Variants in ERVFRD-1 observed in about 807,000 individuals in gnomAD.
The protein encoded by ERVFRD-1 is syncytin-2.
Under a neutral mutation model 43.8 loss-of-function variants are expected in ERVFRD-1, and 33 were observed. The observed-to-expected ratio is 0.75, with a 90% CI of 0.57 to 1.01. The LOEUF is 1.01. Ranked by LOEUF, ERVFRD-1 falls within the 50% of genes least tolerant of loss-of-function variation. The probability of loss-of-function intolerance (pLI) is 0.00; values close to 1 mark genes in which losing one functional copy is unlikely to be tolerated. For missense variants in ERVFRD-1, 568 were observed against 658.4 expected (o/e 0.86, Z 1.50); for synonymous variants, 239 against 244.4 (o/e 0.98, Z 0.21).
At chr6:11,107,061 A>G (rs1758096275) in intron 1 of ERVFRD-1, among the ~76,000 whole-genome samples, 1 of 152,216 alleles carries the variant, frequency 6.6e-6, no homozygotes, top group African/African-American at 2.4e-5. Context: ...TTGAAGGGAC[A>G]TTGTACCATA....
chr6:11,103,547 T>G lies in ERVFRD-1; in HGVS notation c.*147A>C. ...CCTGCTGACAGAGGGGCTGTAGTGG[T>G]TGTTCTGTGGGTCTTGGCCTCTTGC... On this transcript the variant is annotated 3_prime_UTR_variant, in exon 2 of 2. Coordinates refer to ENST00000472091, the MANE Select transcript of ERVFRD-1 (RefSeq NM_207582.3). 8.3e-7 allele frequency: 1 copy of G among 1,205,306 alleles called. No individual in the cohort carries two copies. Among genetic ancestry groups the G allele is most frequent in the Non-Finnish European group, 1.1e-6 (1 of 895,976 alleles). The allele number at this position is 1,205,306 out of a possible 1,614,324, so 74.7% of individuals were successfully genotyped here. A position where few individuals can be genotyped will look rare whatever the true frequency, so the allele number is the denominator to read the frequency against.
chr6:11,104,468 G>T lies in ERVFRD-1; in HGVS notation c.843C>A (p.Thr281=), dbSNP rs1199535144. The part of the protein sequence containing the change: ...AVSEFFGTSL[T]PLFHFHISTC... The stretch of plus-strand genomic sequence containing the variant: ...TAGAGATATGGAAATGAAATAAGGG[G>T]GTGAGGGAGGTTCCAAAAAATTCTG... Residue 281 remains threonine (T), a synonymous_variant, in exon 2 of 2, where the codon ACC becomes ACA. Coordinates refer to ENST00000472091, the MANE Select transcript of ERVFRD-1 (RefSeq NM_207582.3). The T allele has an allele frequency of 6.4e-7, 1 of 1,552,346 alleles. No homozygotes were observed. Among genetic ancestry groups the T allele is most frequent in the Middle Eastern group, 1.7e-4 (1 of 5,992 alleles).
chr6:11,102,767 A>G lies in ERVFRD-1; in HGVS notation c.*927T>C, dbSNP rs1454104960. Reference sequence around the variant, plus strand: ...AATGGTGGAACTGTTACCAGCAGCAAATCCAATGGGTCTGCAGCAGACTCC... The same window carrying G: ...AATGGTGGAACTGTTACCAGCAGCAGATCCAATGGGTCTGCAGCAGACTCC... On this transcript the variant is annotated 3_prime_UTR_variant, in exon 2 of 2. Transcript: ENST00000472091. The G allele has an allele frequency of 6.6e-6, 1 of 152,224 alleles. No homozygotes were observed. Among genetic ancestry groups the G allele is most frequent in the Non-Finnish European group, 1.5e-5 (1 of 68,044 alleles). 9.4% of individuals were successfully genotyped at this position (152,224 alleles called of 1,614,324 possible).
At chr6:11,110,347 C>G (rs1349758291) in intron 1 of ERVFRD-1, among the ~76,000 whole-genome samples, 1 of 152,178 alleles carries the variant, frequency 6.6e-6, no homozygotes, top group Non-Finnish European at 1.5e-5. Context: ...GCATCTGCCT[C>G]CTTGGGCTGT....
In ERVFRD-1 at chr6:11,102,963, G is replaced by A. The variant is rs1018556634; in HGVS notation, c.*731C>T. On this transcript the variant is annotated 3_prime_UTR_variant, in exon 2 of 2. Coordinates refer to ENST00000472091, the MANE Select transcript of ERVFRD-1 (RefSeq NM_207582.3). ...TGACTTGAGAGATCCAATTGCCTTG[G>A]TAGGCCCTTGACTTGGGGTTTTATA... The A allele has an allele frequency of 6.6e-6, 1 of 152,218 alleles. No individual in the cohort carries two copies. Among genetic ancestry groups the A allele is most frequent in the Non-Finnish European group, 1.5e-5 (1 of 68,052 alleles). The allele number at this position is 152,218 out of a possible 1,614,324, so 9.4% of individuals were successfully genotyped here.
intron 1 of ERVFRD-1, among the ~76,000 whole-genome samples, chr6:11,109,893 C>T (rs1417500242): frequency 3.9e-5 from 6 of 152,090 alleles, no homozygotes; most frequent in Non-Finnish European, 5.9e-5. Flanking sequence ...CCTCCAATTT[C>T]CCTACTGTCT....
rs748203793 is a variant in ERVFRD-1 at position 11,105,293 on chromosome 6, C to T, written c.18G>A (p.Leu6=). The T allele has an allele frequency of 7.4e-6, 12 of 1,613,202 alleles. No homozygotes were observed. Among genetic ancestry groups the T allele is most frequent in the Non-Finnish European group, 1.0e-5 (12 of 1,179,506 alleles). ...CTAGTGAAGGCGTGAGAATGAGAAC[C>T]AGCAGGAGCAGGCCCATGGTGACCT... MGLLL[L]VLILTPSLAA... Residue 6 remains leucine (L), a synonymous_variant, in exon 2 of 2, where the codon CTG becomes CTA. Transcript: ENST00000472091.
chr6:11,108,589 C>G (rs1171382790), intron 1 of ERVFRD-1, among the ~76,000 whole-genome samples: 2 of 152,156 alleles, frequency 1.3e-5, no homozygotes. Context: ...AAGGGATCTC[C>G]CTGGGGCCTG....
chr6:11,105,059 T>C lies in ERVFRD-1; in HGVS notation c.252A>G (p.Gly84=). Residue 84 remains glycine, a synonymous_variant, in exon 2 of 2, where the codon GGA becomes GGG. Coordinates refer to ENST00000472091, the MANE Select transcript of ERVFRD-1 (RefSeq NM_207582.3). The part of the protein sequence containing the change: ...ISYRWDPNLK[G]LMRPANSLLS... ...GAAGACTATTTGCAGGCCTCATCAGTCCTTTCAGATTAGGGTCCCATCGAT... is the reference window on the plus strand; with the variant it reads ...GAAGACTATTTGCAGGCCTCATCAGCCCTTTCAGATTAGGGTCCCATCGAT... 6.2e-7 allele frequency: 1 copy of C among 1,614,186 alleles called. No individual in the cohort carries two copies. The highest frequency in any genetic ancestry group is 8.5e-7 in the Non-Finnish European group (1 of 1,180,014).
chr6:11,105,798 C>G (rs1257160366), intron 1 of ERVFRD-1, 168 bp from the exon 2 acceptor site: 1 of 155,824 alleles, frequency 6.4e-6, no homozygotes. Context: ...ACCATATTCC[C>G]AGAGAGCCTG....
Position 11,105,128 on chromosome 6 carries a change from C to G in ERVFRD-1, c.183G>C (p.Ser61=). 1 of 1,614,106 alleles carries G rather than the reference C, an allele frequency of 6.2e-7. No homozygotes were observed. The highest frequency in any genetic ancestry group is 8.5e-7 in the Non-Finnish European group (1 of 1,180,022). ...CCTCTATGCTTGTCCATTCTCTGGG[C>G]GAGGCTGGATAAGCTGTCCCTGGTG... is the stretch of plus-strand genomic sequence containing the variant. The part of the protein sequence containing the change: ...TETPGTAYPA[S]PREWTSIEAE... Residue 61 remains serine, a synonymous_variant, in exon 2 of 2, where the codon TCG becomes TCC. Coordinates refer to ENST00000472091, the MANE Select transcript of ERVFRD-1 (RefSeq NM_207582.3).
intron 1 of ERVFRD-1, 77 bp downstream of exon 1, chr6:11,111,600 G>T (rs1758167852): frequency 6.6e-6 from 1 of 152,360 alleles, no homozygotes; most frequent in African/African-American, 2.4e-5. Flanking sequence ...AAGCAGGAGA[G>T]TGAAAGAGGA....
Sources: gnomAD v4.1 joint callset for allele counts (sites outside exome capture counted in the v4.1 genomes callset) on GRCh38, gnomAD v4.1.1 for gene constraint, MANE v1.5 for transcripts, NCBI Gene and HGNC (gene_info 2026-07-23, HGNC 2026-07-21) for gene names.